Variants in GRM8 observed in about 807,000 individuals in gnomAD.
GRM8 encodes the protein glutamate metabotropic receptor 8, also known as metabotropic glutamate receptor 8.
GRM8 carries 47 observed loss-of-function variants against 87.2 expected under a neutral mutation model. The ratio of observed to expected loss-of-function variants is 0.54; its 90% confidence interval spans 0.43 to 0.69. The LOEUF is 0.69. GRM8 is among the 30% of genes least tolerant of loss of function. The probability of loss-of-function intolerance (pLI) is 0.00; values close to 1 mark genes in which losing one functional copy is unlikely to be tolerated. For synonymous variants in GRM8, 396 were observed against 404.5 expected, an observed-to-expected ratio of 0.98 and a Z score of 0.25; for missense variants, 1,019 against 1,139.2, an observed-to-expected ratio of 0.89 and a Z score of 1.52.
chr7:126,822,210 C>T (rs1298063144), intron 6 of GRM8, among the ~76,000 whole-genome samples: 3 of 152,126 alleles, frequency 2.0e-5, no homozygotes, highest in African/African-American at 7.2e-5. Flanking sequence ...TGTTCACTGG[C>T]CTCAGTCTCC....
chr7:126,557,468 T>A (rs1443955016), intron 8 of GRM8, among the ~76,000 whole-genome samples: 1 of 152,204 alleles, frequency 6.6e-6, no homozygotes, highest in Non-Finnish European at 1.5e-5. Flanking sequence ...CCAGGATCCA[T>A]CTTCACTTTT....
In GRM8 at chr7:126,849,090, TCA is replaced by T. The variant is rs1225944158; in HGVS notation, c.1156+53450_1156+53451del. Among the ~76,000 whole-genome samples the T allele has an allele frequency of 5.3e-5, 8 of 152,174 alleles. No homozygotes were observed. In the East Asian group the frequency reaches 1.4e-3, roughly 26 times the overall value. ...CATAGGAACAACCTGCCCCTATGAT[TCA>T]GTTACCTCCCACCAGGTCACTCCCA... On this transcript the variant is annotated intron_variant, in intron 6 of 10. Coordinates refer to ENST00000339582, the MANE Select transcript of GRM8 (RefSeq NM_000845.3).
intron 3 of GRM8, among the ~76,000 whole-genome samples, chr7:126,964,019 A>G (rs987132421): frequency 3.9e-5 from 6 of 152,208 alleles, no homozygotes; most frequent in African/African-American, 1.4e-4. Flanking sequence ...CCAAACATCT[A>G]CGACCATCAG....
In GRM8 at chr7:126,718,111, C is replaced by A. The variant is rs979648425; in HGVS notation, c.1357+51754G>T. ...AATTAGCAGGGCGTGGTGGCAGGCGCCTGTAGCCCCAGCTACTCGGGAGGC... is the reference window on the plus strand; with the variant it reads ...AATTAGCAGGGCGTGGTGGCAGGCGACTGTAGCCCCAGCTACTCGGGAGGC... On this transcript the variant is annotated intron_variant, in intron 7 of 10. Coordinates refer to ENST00000339582, the MANE Select transcript of GRM8 (RefSeq NM_000845.3). 2.0e-4 allele frequency among the ~76,000 whole-genome samples: 31 copies of A among 152,022 alleles called. 1 individual carries two copies. Among genetic ancestry groups the A allele is most frequent in the Middle Eastern group, 3.4e-3 (1 of 292 alleles).
At chr7:127,037,554 T>C (rs1036951594) in intron 3 of GRM8, among the ~76,000 whole-genome samples, 3 of 152,216 alleles carry the variant, frequency 2.0e-5, no homozygotes, top group African/African-American at 7.2e-5. Flanking sequence ...ACTCATCTGC[T>C]TCCTTTCTCT....
intron 7 of GRM8, among the ~76,000 whole-genome samples, chr7:126,736,518 G>A (rs1293233917): frequency 6.6e-6 from 1 of 151,936 alleles, no homozygotes; most frequent in Admixed American, 6.6e-5. Flanking sequence ...GACATAATGG[G>A]TGTCAATGTT....
chr7:127,191,066 A>T (rs1222112840), intron 2 of GRM8, among the ~76,000 whole-genome samples: 3 of 152,214 alleles, frequency 2.0e-5, no homozygotes, highest in African/African-American at 7.2e-5. Flanking sequence ...AAATTATTTC[A>T]GTATTTTAAA....
intron 6 of GRM8, among the ~76,000 whole-genome samples, chr7:126,858,795 A>G (rs1797902306): frequency 6.6e-6 from 1 of 152,148 alleles, no homozygotes. Context: ...TGGAACACTT[A>G]CATTTTATGG....
intron 2 of GRM8, among the ~76,000 whole-genome samples, chr7:127,208,040 C>A (rs17864157): frequency 0.18 from 27,020 of 152,108 alleles, 3,045 homozygotes; most frequent in Middle Eastern, 0.26. Flanking sequence ...ACAAGCCATA[C>A]CCACATTTTT....
chr7:126,928,619 C>A (rs1055887549), intron 3 of GRM8, among the ~76,000 whole-genome samples: 1 of 150,600 alleles, frequency 6.6e-6, no homozygotes, highest in African/African-American at 2.4e-5. Flanking sequence ...CTGCAGTGAG[C>A]CAAGGTCATG....
At chr7:126,505,505 T>C (rs1355523469) in intron 9 of GRM8, among the ~76,000 whole-genome samples, 4 of 152,022 alleles carry the variant, frequency 2.6e-5, no homozygotes, top group Non-Finnish European at 5.9e-5. Context: ...TTCCCCAAAC[T>C]AAATGGAGCA....
At chr7:126,773,533 A>G (rs1819083690) in intron 6 of GRM8, among the ~76,000 whole-genome samples, 1 of 152,188 alleles carries the variant, frequency 6.6e-6, no homozygotes, top group Admixed American at 6.6e-5. Flanking sequence ...TGCCAGTGCA[A>G]CCTCAATTTA....
At chr7:126,522,662 C>T (rs1359573187) in intron 9 of GRM8, among the ~76,000 whole-genome samples, 1 of 152,186 alleles carries the variant, frequency 6.6e-6, no homozygotes, top group Admixed American at 6.5e-5. Flanking sequence ...ACAAACAATG[C>T]CCAACTTTCC....
intron 9 of GRM8, among the ~76,000 whole-genome samples, chr7:126,496,421 T>C (rs1316999735): frequency 6.6e-6 from 1 of 151,998 alleles, no homozygotes; most frequent in African/African-American, 2.4e-5. Flanking sequence ...TCCTTATTCT[T>C]CTATGACAAG....
intron 9 of GRM8, among the ~76,000 whole-genome samples, chr7:126,496,868 C>G (rs1334071221): frequency 6.6e-6 from 1 of 151,704 alleles, no homozygotes; most frequent in East Asian, 1.9e-4. Flanking sequence ...TTCCTAATCT[C>G]CCCCCCACAG....
intron 3 of GRM8, among the ~76,000 whole-genome samples, chr7:127,098,978 T>C (rs539466233): frequency 6.6e-6 from 1 of 152,312 alleles, no homozygotes; most frequent in South Asian, 2.1e-4. Flanking sequence ...TCTTCAAAGA[T>C]AAAGCTTTAG....
intron 8 of GRM8, among the ~76,000 whole-genome samples, chr7:126,602,511 A>T (rs988138454): frequency 1.4e-5 from 2 of 139,650 alleles, no homozygotes; most frequent in African/African-American, 5.1e-5. Context: ...TGAATCTGTA[A>T]ATTACCTTGG....
rs114750927 is a variant in GRM8, at chr7:126,817,779, A to G, written c.1157-47714T>C. On this transcript the variant is annotated intron_variant, in intron 6 of 10. Coordinates refer to ENST00000339582, the MANE Select transcript of GRM8 (RefSeq NM_000845.3). ...TTTTATGAGTCAATAACCCACCTCA[A>G]TGAAAAAGAATTAATTTCACTGAGG... Among the ~76,000 whole-genome samples, 1,227 of 152,250 alleles carry G rather than the reference A, an allele frequency of 8.1e-3. 16 individuals are homozygous for G. The highest frequency in any genetic ancestry group is 0.028 in the African/African-American group (1,159 of 41,550).
At chr7:126,629,162 C>T (rs554771934) in intron 7 of GRM8, among the ~76,000 whole-genome samples, 2 of 152,086 alleles carry the variant, frequency 1.3e-5, no homozygotes, top group Admixed American at 1.3e-4. Context: ...GTCAATGAAC[C>T]CAGACAAAAT....
Sources: gnomAD v4.1 joint callset for allele counts (sites outside exome capture counted in the v4.1 genomes callset) on GRCh38, gnomAD v4.1.1 for gene constraint, MANE v1.5 for transcripts, NCBI Gene and HGNC (gene_info 2026-07-23, HGNC 2026-07-21) for gene names.